B3GALT1: variants seen among roughly 807,000 people sequenced by gnomAD.
B3GALT1 encodes beta-1,3-galactosyltransferase 1, also known as UDP-Gal:betaGlcNAc beta 1,3-galactosyltransferase, polypeptide 1.
B3GALT1 carries 10 observed loss-of-function variants against 23.2 expected under a neutral mutation model. The ratio of observed to expected loss-of-function variants is 0.43; its 90% CI spans 0.27 to 0.73. The LOEUF (loss-of-function observed/expected upper bound fraction) is 0.73, where lower values mean the gene tolerates loss of function less well. Among genes scored for constraint, B3GALT1 ranks in the 30% least tolerant of loss-of-function variants. B3GALT1 has a pLI of 0.21. For missense variants in B3GALT1, 299 were observed against 405.4 expected (o/e 0.74, Z 2.25); for synonymous variants, 156 against 141.5 (o/e 1.10, Z -0.73).
rs117046867 is a variant in B3GALT1, at chr2:167,389,163, A to G, written c.-511+95829A>G. On this transcript the variant is annotated intron_variant, in intron 1 of 4. Transcript: ENST00000392690. ...TAAATTCTGTGCTTCTGGTGTGCACATGAATATTTTTGATGGTGAAGCCAA... is the reference window on the plus strand; with the variant it reads ...TAAATTCTGTGCTTCTGGTGTGCACGTGAATATTTTTGATGGTGAAGCCAA... Among the ~76,000 whole-genome samples, 187 of 152,320 alleles carry G rather than the reference A, an allele frequency of 1.2e-3. 1 individual carries two copies. In the East Asian group the frequency reaches 0.018, roughly 14 times the overall value.
chr2:167,562,939 CAT>C (rs961913383), intron 2 of B3GALT1, among the ~76,000 whole-genome samples: 25 of 152,264 alleles, frequency 1.6e-4, no homozygotes, highest in African/African-American at 5.5e-4. Context: ...GGACACAGCA[CAT>C]GTTTCAGAGA....
intron 2 of B3GALT1, among the ~76,000 whole-genome samples, chr2:167,560,042 G>C (rs1331429996): frequency 6.6e-6 from 1 of 152,096 alleles, no homozygotes; most frequent in Non-Finnish European, 1.5e-5. Context: ...AAAATGTTAA[G>C]GGCAGCCAGA....
intron 1 of B3GALT1, among the ~76,000 whole-genome samples, chr2:167,470,186 C>T (rs923086798): frequency 6.6e-6 from 1 of 152,020 alleles, no homozygotes; most frequent in Non-Finnish European, 1.5e-5. Flanking sequence ...TGTTTGATGC[C>T]ATTAATTTAA....
rs548770223 is a variant in B3GALT1 at position 167,749,586 on chromosome 2, A to T, written c.-351-69086A>T. ...ATTTCAGACGCTAATGCCCTGAGGG[A>T]TCAACTTTTAATCAATTATTGACTA... is the stretch of plus-strand genomic sequence containing the variant. On this transcript the variant is annotated intron_variant, in intron 3 of 4. Coordinates refer to ENST00000392690, the MANE Select transcript of B3GALT1 (RefSeq NM_020981.4). Among the ~76,000 whole-genome samples, 15 of 152,304 alleles carry T rather than the reference A, an allele frequency of 9.8e-5. No homozygotes were observed. The East Asian group carries it at 2.7e-3, about 27-fold the overall frequency.
chr2:167,864,967 TA>T (rs113084400), intron 4 of B3GALT1, among the ~76,000 whole-genome samples: 1,483 of 146,052 alleles, frequency 0.01, 13 homozygotes, highest in Admixed American at 0.015. Context: ...ATTCTTCTGT[TA>T]AAAAAAAAAA....
intron 3 of B3GALT1, among the ~76,000 whole-genome samples, chr2:167,681,616 G>A (rs776602877): frequency 3.9e-5 from 6 of 152,206 alleles, no homozygotes; most frequent in Non-Finnish European, 7.3e-5. Context: ...CACCTTGTTC[G>A]AAAGTAGAGG....
At chr2:167,531,022 G>A (rs1205964775) in intron 2 of B3GALT1, among the ~76,000 whole-genome samples, 1 of 152,116 alleles carries the variant, frequency 6.6e-6, no homozygotes, top group Non-Finnish European at 1.5e-5. Flanking sequence ...GTACTTTAGG[G>A]TTTTTATCTT....
At chr2:167,631,538 A>G (rs956902088) in intron 2 of B3GALT1, 1 of 151,858 alleles carries the variant, frequency 6.6e-6, no homozygotes, top group Non-Finnish European at 1.5e-5. Flanking sequence ...GAGGCCTAAT[A>G]CTAATCTGGA....
At chr2:167,500,209 C>A (rs916217776) in intron 2 of B3GALT1, among the ~76,000 whole-genome samples, 1 of 152,096 alleles carries the variant, frequency 6.6e-6, no homozygotes, top group African/African-American at 2.4e-5. Context: ...AGTTCTCAAC[C>A]TCTGTCAATC....
rs982269471 is a variant in B3GALT1, at chr2:167,579,295, G to T, written c.-409-67614G>T. Among the ~76,000 whole-genome samples, 14 of 151,900 alleles carry T rather than the reference G, an allele frequency of 9.2e-5. No homozygotes were observed. In the South Asian group the frequency reaches 1.2e-3, roughly 14 times the overall value. ...TAAATTTTTATAGAAAGAAACTCTT[G>T]CCCTCAACTATTACTATTTTCTATT... On this transcript the variant is annotated intron_variant, in intron 2 of 4. Coordinates refer to ENST00000392690, the MANE Select transcript of B3GALT1 (RefSeq NM_020981.4).
At chr2:167,821,431 CTTTTTTTTTT>C (rs10573752) in intron 4 of B3GALT1, among the ~76,000 whole-genome samples, 12 of 108,724 alleles carry the variant, frequency 1.1e-4, no homozygotes, top group Admixed American at 3.3e-4. Context: ...AAGGAAGGTA[CTTTTTTTTTT>C]TTTTTTTTTT....
chr2:167,821,758 T>TGACA (rs1689112254), intron 4 of B3GALT1, among the ~76,000 whole-genome samples: 1 of 152,150 alleles, frequency 6.6e-6, no homozygotes, highest in African/African-American at 2.4e-5. Context: ...TTTTTATCCT[T>TGACA]GACACTGCTC....
intron 1 of B3GALT1, among the ~76,000 whole-genome samples, chr2:167,459,124 C>A (rs371346629): frequency 6.6e-6 from 1 of 152,110 alleles, no homozygotes; most frequent in Non-Finnish European, 1.5e-5. Context: ...TAATTAGTGT[C>A]AATGAGAGAG....
chr2:167,463,010 A>G (rs562591239), intron 1 of B3GALT1, among the ~76,000 whole-genome samples: 11 of 152,288 alleles, frequency 7.2e-5, no homozygotes, highest in Admixed American at 3.3e-4. Context: ...CGTATCTGTT[A>G]ATGAAATTTG....
chr2:167,814,022 C>T (rs1210916451), intron 3 of B3GALT1, among the ~76,000 whole-genome samples: 2 of 152,178 alleles, frequency 1.3e-5, no homozygotes, highest in African/African-American at 4.8e-5. Flanking sequence ...CTTCATTAAA[C>T]AAATACATGC....
At chr2:167,625,363 T>G (rs1685322956) in intron 2 of B3GALT1, among the ~76,000 whole-genome samples, 1 of 151,928 alleles carries the variant, frequency 6.6e-6, no homozygotes, top group African/African-American at 2.4e-5. Flanking sequence ...TGATAACAGC[T>G]TTGTCATTCA....
At chr2:167,793,903 C>T (rs1278516626) in intron 3 of B3GALT1, among the ~76,000 whole-genome samples, 3 of 152,148 alleles carry the variant, frequency 2.0e-5, no homozygotes, top group East Asian at 1.9e-4. Context: ...TCATGCCCTC[C>T]GCATAGGGAA....
At chr2:167,374,150 T>A (rs1296471226) in intron 1 of B3GALT1, among the ~76,000 whole-genome samples, 1 of 152,206 alleles carries the variant, frequency 6.6e-6, no homozygotes, top group Non-Finnish European at 1.5e-5. Context: ...TTGCTTAGGA[T>A]AATTGTCTCC....
intron 2 of B3GALT1, among the ~76,000 whole-genome samples, chr2:167,643,150 T>C (rs564058904): frequency 1.1e-3 from 173 of 152,334 alleles, no homozygotes; most frequent in Non-Finnish European, 2.1e-3. Flanking sequence ...ACATACCATC[T>C]ATGAAATTCT....
Sources: allele counts gnomAD v4.1 joint callset (sites outside exome capture counted in the v4.1 genomes callset), GRCh38; gene constraint gnomAD v4.1.1; transcripts MANE v1.5; gene names NCBI Gene and HGNC (gene_info 2026-07-23, HGNC 2026-07-21).